The following NLGN4X variants were observed in gnomAD, a reference collection of about 807,000 sequenced individuals.
NLGN4X encodes neuroligin-4, X-linked.
NLGN4X carries 3 observed loss-of-function variants against 40.3 expected under a neutral mutation model. The observed-to-expected ratio is 0.07, with a 90% confidence interval of 0.03 to 0.19. The LOEUF is 0.19. Among genes scored for constraint, NLGN4X ranks in the 10% least tolerant of loss-of-function variants. The pLI is 1.00. For synonymous variants in NLGN4X, 270 were observed against 306.8 expected, an observed-to-expected ratio of 0.88 and a Z score of 1.25; for missense variants, 382 against 708.3, an observed-to-expected ratio of 0.54 and a Z score of 5.23.
chrX:5,916,981 C>T (rs1235465831), intron 3 of NLGN4X, among the ~76,000 whole-genome samples: 1 of 112,453 alleles, frequency 8.9e-6, no homozygotes, highest in African/African-American at 3.2e-5. Context: ...TGTGTGGGCC[C>T]ATGTGACCTT....
intron 3 of NLGN4X, among the ~76,000 whole-genome samples, chrX:6,020,504 T>C (rs1353336790): frequency 8.9e-6 from 1 of 112,068 alleles, no homozygotes; most frequent in African/African-American, 3.2e-5. Flanking sequence ...AAGTTTCAGT[T>C]GGCAGGAAAA....
intron 4 of NLGN4X, 73 bp downstream of exon 4, chrX:5,908,981 G>T: frequency 9.0e-7 from 1 of 1,112,940 alleles, no homozygotes. Flanking sequence ...ACATGCATCT[G>T]AGATATGAAC....
intron 3 of NLGN4X, among the ~76,000 whole-genome samples, chrX:5,972,568 T>C (rs1260463856): frequency 1.8e-5 from 2 of 111,622 alleles, no homozygotes. Context: ...AACAAATGAA[T>C]GAAGCAAACT....
At chrX:6,094,424 C>T (rs771595347) in intron 2 of NLGN4X, among the ~76,000 whole-genome samples, 2 of 110,758 alleles carry the variant, frequency 1.8e-5, no homozygotes, top group African/African-American at 6.6e-5. Context: ...ATATGCACTT[C>T]TGGCTTCTGG....
chrX:6,205,092 C>T (rs1923922014), intron 1 of NLGN4X, among the ~76,000 whole-genome samples: 1 of 111,861 alleles, frequency 8.9e-6, no homozygotes, highest in Admixed American at 9.5e-5. Context: ...ATCTCTACAA[C>T]CATTTCTTTC....
intron 3 of NLGN4X, among the ~76,000 whole-genome samples, chrX:6,002,961 C>A (rs1292156443): frequency 1.8e-5 from 2 of 111,536 alleles, no homozygotes; most frequent in African/African-American, 6.5e-5. Flanking sequence ...TGCTCCATCC[C>A]GTTTTCAGTT....
At chrX:6,112,777 T>G (rs2039182915) in intron 2 of NLGN4X, among the ~76,000 whole-genome samples, 1 of 109,624 alleles carries the variant, frequency 9.1e-6, no homozygotes, top group East Asian at 2.9e-4. Context: ...AGGCTGCACG[T>G]AGTGACCTCT....
chrX:6,155,513 G>A (rs1236479183), intron 1 of NLGN4X, among the ~76,000 whole-genome samples: 7 of 111,549 alleles, frequency 6.3e-5, no homozygotes, highest in Non-Finnish European at 1.3e-4. Flanking sequence ...TTGTTCTGAA[G>A]CCCAAAGCTC....
intron 3 of NLGN4X, chrX:5,991,335 A>G (rs766545955): frequency 2.5e-5 from 11 of 445,392 alleles, no homozygotes; most frequent in Non-Finnish European, 3.7e-5. Context: ...CCCACAGCAT[A>G]ATCAATGAAA....
chrX:5,898,058 T>G (rs1215049649), intron 5 of NLGN4X, among the ~76,000 whole-genome samples: 1 of 97,418 alleles, frequency 1.0e-5, no homozygotes, highest in African/African-American at 3.8e-5. Context: ...TTTTCCTTCC[T>G]TCCCTCGCTA....
intron 2 of NLGN4X, among the ~76,000 whole-genome samples, chrX:6,125,693 C>T (rs1164910163): frequency 9.0e-6 from 1 of 111,464 alleles, no homozygotes. Flanking sequence ...AAATCTCCCA[C>T]ATAAAAACTC....
At chrX:6,021,743 GT>G (rs1288731897) in intron 3 of NLGN4X, among the ~76,000 whole-genome samples, 57 of 102,219 alleles carry the variant, frequency 5.6e-4, no homozygotes, top group Admixed American at 3.0e-3. Context: ...TTTTTTGTTT[GT>G]TTTTTTTTTT....
chrX:5,925,310 A>C (rs2033228852), intron 3 of NLGN4X, among the ~76,000 whole-genome samples: 1 of 112,094 alleles, frequency 8.9e-6, no homozygotes, highest in African/African-American at 3.2e-5. Context: ...ATGAAAAGCA[A>C]ATCTTGTGAT....
At chrX:6,156,305 C>T (rs2040264288) in intron 1 of NLGN4X, among the ~76,000 whole-genome samples, 1 of 111,760 alleles carries the variant, frequency 8.9e-6, no homozygotes, top group Admixed American at 9.5e-5. Context: ...GTCAGGAGAT[C>T]GAGACCATCC....
intron 1 of NLGN4X, among the ~76,000 whole-genome samples, chrX:6,171,579 G>A (rs377317186): frequency 6.1e-4 from 68 of 112,123 alleles, no homozygotes; most frequent in South Asian, 3.0e-3. Flanking sequence ...GTAAATTTTC[G>A]GAAATGCTAC....
At chrX:6,209,639 G>C (rs1257071350) in intron 1 of NLGN4X, among the ~76,000 whole-genome samples, 3 of 111,815 alleles carry the variant, frequency 2.7e-5, no homozygotes, top group African/African-American at 9.7e-5. Flanking sequence ...GCATCCTTGT[G>C]TAACAGGTTC....
chrX:6,218,285 C>T (rs1277234160), intron 1 of NLGN4X, among the ~76,000 whole-genome samples: 7 of 111,759 alleles, frequency 6.3e-5, no homozygotes, highest in Non-Finnish European at 1.9e-5. Flanking sequence ...CTGTAGTAGT[C>T]GGTCTGTTGA....
chrX:6,139,881 C>T (rs1412751833), intron 2 of NLGN4X, among the ~76,000 whole-genome samples: 1 of 111,028 alleles, frequency 9.0e-6, no homozygotes, highest in Non-Finnish European at 1.9e-5. Context: ...ATCTAAAATG[C>T]CTCTAAAGAA....
chrX:6,018,092 ATC>A (rs1272007477), intron 3 of NLGN4X, among the ~76,000 whole-genome samples: 1 of 111,589 alleles, frequency 9.0e-6, no homozygotes, highest in East Asian at 2.8e-4. Flanking sequence ...ACACATATAG[ATC>A]TGTGTGTGCA....
Sources: allele counts gnomAD v4.1 joint callset (sites outside exome capture counted in the v4.1 genomes callset), GRCh38; gene constraint gnomAD v4.1.1; transcripts MANE v1.5; gene names NCBI Gene and HGNC (gene_info 2026-07-23, HGNC 2026-07-21).